Variants in EYS observed in about 807,000 individuals in gnomAD.
EYS encodes the protein protein eyes shut homolog.
In EYS, 250 loss-of-function variants were observed where a neutral mutation model predicts 282.1. The observed-to-expected ratio is 0.89, with a 90% CI of 0.80 to 0.98. The LOEUF (loss-of-function observed/expected upper bound fraction) is 0.98. EYS is among the 50% of genes least tolerant of loss of function. EYS has a pLI of 0.00. For missense variants in EYS, 4,016 were observed against 3,709.0 expected, an observed-to-expected ratio of 1.08 and a Z score of -2.15; for synonymous variants, 1,355 against 1,282.9, an observed-to-expected ratio of 1.06 and a Z score of -1.20.
At chr6:65,330,670 A>T (rs1411547654) in intron 11 of EYS, 3 of 936,794 alleles carry the variant, frequency 3.2e-6, no homozygotes, top group African/African-American at 3.6e-5. Flanking sequence ...CGTTAACATC[A>T]TCAACATTAT....
intron 31 of EYS, among the ~76,000 whole-genome samples, chr6:64,212,312 A>G (rs1300452133): frequency 6.6e-6 from 1 of 152,052 alleles, no homozygotes; most frequent in Non-Finnish European, 1.5e-5. Context: ...AAGATAGATG[A>G]CAAGCTATAT....
intron 2 of EYS, among the ~76,000 whole-genome samples, chr6:65,600,895 G>T (rs73451211): frequency 6.6e-6 from 1 of 151,698 alleles, no homozygotes; most frequent in African/African-American, 2.4e-5. Context: ...TAGGTAAGCC[G>T]TCAGTATATC....
intron 1 of EYS, among the ~76,000 whole-genome samples, chr6:65,705,167 A>G (rs1206121793): frequency 6.6e-6 from 1 of 152,094 alleles, no homozygotes; most frequent in Non-Finnish European, 1.5e-5. Context: ...AGCATACATG[A>G]TTTTCATTAA....
intron 12 of EYS, among the ~76,000 whole-genome samples, chr6:65,193,707 T>C (rs937259367): frequency 6.6e-6 from 1 of 151,584 alleles, no homozygotes; most frequent in African/African-American, 2.4e-5. Flanking sequence ...CTATCTAGTA[T>C]ATTTACTAGT....
chr6:65,477,214 T>C (rs10484939), intron 5 of EYS, among the ~76,000 whole-genome samples: 14,615 of 152,226 alleles, frequency 0.096, 937 homozygotes, highest in South Asian at 0.18. Flanking sequence ...TGAAGCCATA[T>C]GTTCAGAAGT....
At chr6:64,296,598 ATTTTTTTTTTT>A (rs1173183488) in intron 30 of EYS, among the ~76,000 whole-genome samples, 2 of 20,132 alleles carry the variant, frequency 9.9e-5, no homozygotes, top group African/African-American at 3.2e-4. Context: ...ATATATATAT[ATTTTTTTTTTT>A]TTTTTTTTTT....
At position 65,225,842 on chromosome 6, in the gene EYS, T is replaced by A. The variant is rs142395831; in HGVS notation, c.2023+70021A>T. ...TAAGATTTGCAAAAATCCAATGCAC[T>A]TTTGTAATAAAAACACTCAAGAAAC... On this transcript the variant is annotated intron_variant, in intron 12 of 42. Coordinates refer to ENST00000503581, the MANE Select transcript of EYS (RefSeq NM_001142800.2). Among the ~76,000 whole-genome samples the A allele has an allele frequency of 5.2e-3, 792 of 151,900 alleles. 4 individuals carry two copies. Among genetic ancestry groups the A allele is most frequent in the African/African-American group, 0.018 (758 of 41,444 alleles).
intron 30 of EYS, among the ~76,000 whole-genome samples, chr6:64,258,107 C>T (rs971426680): frequency 1.3e-5 from 2 of 152,022 alleles, no homozygotes; most frequent in African/African-American, 4.8e-5. Flanking sequence ...TCATTCCTTC[C>T]TCCAATCAAT....
At chr6:64,960,257 C>A (rs993403612) in intron 14 of EYS, among the ~76,000 whole-genome samples, 2 of 151,880 alleles carry the variant, frequency 1.3e-5, no homozygotes, top group African/African-American at 2.4e-5. Flanking sequence ...TAAAAGTAAT[C>A]TTTGATTATG....
At chr6:64,881,710 C>G (rs1766924618) in intron 19 of EYS, among the ~76,000 whole-genome samples, 1 of 151,696 alleles carries the variant, frequency 6.6e-6, no homozygotes, top group African/African-American at 2.4e-5. Context: ...CATTCTGCGT[C>G]CATTCATGGT....
At chr6:65,649,220 A>G (rs1232622620) in intron 1 of EYS, among the ~76,000 whole-genome samples, 2 of 151,638 alleles carry the variant, frequency 1.3e-5, no homozygotes, top group Non-Finnish European at 2.9e-5. Context: ...ACTATTTTCT[A>G]TGATTTCCTT....
chr6:65,181,788 G>A (rs1295080804), intron 12 of EYS, among the ~76,000 whole-genome samples: 1 of 152,172 alleles, frequency 6.6e-6, no homozygotes, highest in South Asian at 2.1e-4. Flanking sequence ...ATTCACAATA[G>A]CAAAGACTTG....
intron 29 of EYS, among the ~76,000 whole-genome samples, chr6:64,380,346 C>A (rs943733630): frequency 2.0e-5 from 3 of 152,138 alleles, no homozygotes; most frequent in Non-Finnish European, 4.4e-5. Context: ...TATCTGGTTT[C>A]TTTTCATTTA....
At chr6:64,586,697 CT>C (rs1223428647) in intron 26 of EYS, among the ~76,000 whole-genome samples, 1 of 151,912 alleles carries the variant, frequency 6.6e-6, no homozygotes. Context: ...TTGACTTATC[CT>C]TTTTATTCTT....
chr6:64,581,864 C>T (rs559002325), intron 26 of EYS, among the ~76,000 whole-genome samples: 102 of 152,100 alleles, frequency 6.7e-4, no homozygotes, highest in African/African-American at 2.1e-3. Flanking sequence ...TATGATAGGG[C>T]GCCATCAGAG....
intron 31 of EYS, among the ~76,000 whole-genome samples, chr6:64,112,336 T>C (rs866341606): frequency 2.6e-5 from 4 of 151,890 alleles, no homozygotes; most frequent in South Asian, 4.1e-4. Context: ...AGAAGTTTAA[T>C]TGATTTTTCC....
chr6:63,746,126 T>C (rs1769205331), intron 41 of EYS, among the ~76,000 whole-genome samples: 2 of 152,232 alleles, frequency 1.3e-5, no homozygotes, highest in Non-Finnish European at 2.9e-5. Context: ...TGGGAGTTTT[T>C]AGCATGAAGG....
chr6:65,101,780 C>T lies in EYS; in HGVS notation c.2024-44053G>A, dbSNP rs991943994. On this transcript the variant is annotated intron_variant, in intron 12 of 42. Coordinates refer to ENST00000503581, the MANE Select transcript of EYS (RefSeq NM_001142800.2). Reference sequence around the variant, plus strand: ...CTTATTTTTTTGCTATATTGCAGTCCCTAGTTATCCACTTGGCATTTATGG... The same window carrying T: ...CTTATTTTTTTGCTATATTGCAGTCTCTAGTTATCCACTTGGCATTTATGG... Among the ~76,000 whole-genome samples, 9 of 150,906 alleles carry T rather than the reference C, an allele frequency of 6.0e-5. 1 individual carries two copies. The highest frequency in any genetic ancestry group is 2.2e-4 in the African/African-American group (9 of 41,262).
intron 8 of EYS, among the ~76,000 whole-genome samples, chr6:65,376,077 G>T (rs1765354039): frequency 6.6e-6 from 1 of 152,086 alleles, no homozygotes; most frequent in Non-Finnish European, 1.5e-5. Context: ...ATAATTCTCA[G>T]ATTCTCCAAG....
Sources: allele counts gnomAD v4.1 joint callset (sites outside exome capture counted in the v4.1 genomes callset), GRCh38; gene constraint gnomAD v4.1.1; transcripts MANE v1.5; gene names NCBI Gene and HGNC (gene_info 2026-07-23, HGNC 2026-07-21).